Variants in RPTOR observed in about 807,000 individuals in gnomAD.
The protein encoded by RPTOR is regulatory associated protein of MTOR complex 1, also known as regulatory-associated protein of mTOR.
In RPTOR, 21 loss-of-function variants were observed where a neutral mutation model predicts 169.9. The ratio of observed to expected loss-of-function variants is 0.12; its 90% CI spans 0.09 to 0.18. The LOEUF (loss-of-function observed/expected upper bound fraction) is 0.18, where lower values mean the gene tolerates loss of function less well. Among genes scored for constraint, RPTOR ranks in the 10% least tolerant of loss-of-function variants. The pLI, the probability that RPTOR is intolerant of heterozygous loss-of-function variation, is 1.00. For synonymous variants in RPTOR, 732 were observed against 753.2 expected (o/e 0.97, Z 0.46); for missense variants, 1,133 against 1,855.9 (o/e 0.61, Z 7.16).
chr17:80,787,740 G>C (rs907497353), intron 6 of RPTOR, among the ~76,000 whole-genome samples: 1 of 152,084 alleles, frequency 6.6e-6, no homozygotes, highest in Admixed American at 6.5e-5. Flanking sequence ...GTGTAGCCTG[G>C]ATTTGCGTTT....
intron 20 of RPTOR, among the ~76,000 whole-genome samples, chr17:80,902,312 C>T (rs1178501220): frequency 6.6e-6 from 1 of 152,212 alleles, no homozygotes; most frequent in Non-Finnish European, 1.5e-5. Flanking sequence ...TTCCTTCAGC[C>T]TCCTGCCCCC....
At chr17:80,619,908 C>T (rs941481625) in intron 1 of RPTOR, among the ~76,000 whole-genome samples, 11 of 152,200 alleles carry the variant, frequency 7.2e-5, no homozygotes, top group Admixed American at 3.9e-4. Flanking sequence ...CACTGCTTGA[C>T]GGCCCCCAGC....
chr17:80,660,107 C>T (rs1225357363), intron 3 of RPTOR, among the ~76,000 whole-genome samples: 1 of 151,872 alleles, frequency 6.6e-6, no homozygotes, highest in Admixed American at 6.6e-5. Context: ...CCTGTCTCTA[C>T]TAAAAATGCA....
At chr17:80,658,925 C>A (rs2065699855) in intron 3 of RPTOR, among the ~76,000 whole-genome samples, 1 of 152,172 alleles carries the variant, frequency 6.6e-6, no homozygotes. Flanking sequence ...AGTTCTAGCC[C>A]TCCTTACATC....
chr17:80,727,018 CCT>C (rs1339465198), intron 4 of RPTOR, among the ~76,000 whole-genome samples: 2 of 152,152 alleles, frequency 1.3e-5, no homozygotes, highest in Non-Finnish European at 2.9e-5. Context: ...CTCAAGTGCA[CCT>C]CTGACCACGT....
rs1456058273 is a variant in RPTOR at position 80,860,026 on chromosome 17, G to A, written c.1509+2126G>A. On this transcript the variant is annotated intron_variant, in intron 13 of 33. Coordinates refer to ENST00000306801, the MANE Select transcript of RPTOR (RefSeq NM_020761.3). This position sits in a 1 kb window ranked among gnomAD's most constrained non-coding sequence, Gnocchi z 5.8. ...ACAGGAGAGTGCCAAGAACACCTTG[G>A]AGAGGCCATGGCTTGGAGCCGGGGA... Among the ~76,000 whole-genome samples the A allele has an allele frequency of 6.6e-6, 1 of 152,166 alleles. No homozygotes were observed. The highest frequency in any genetic ancestry group is 2.4e-5 in the African/African-American group (1 of 41,456).
intron 3 of RPTOR, among the ~76,000 whole-genome samples, chr17:80,669,527 G>A (rs1296700105): frequency 6.6e-6 from 1 of 152,250 alleles, no homozygotes; most frequent in East Asian, 1.9e-4. Flanking sequence ...TGGGATTACA[G>A]GCGTGCGCCA....
intron 3 of RPTOR, among the ~76,000 whole-genome samples, chr17:80,672,215 C>A (rs982765477): frequency 6.6e-6 from 1 of 152,060 alleles, no homozygotes; most frequent in African/African-American, 2.4e-5. Context: ...CTGAGAGTTA[C>A]AGGGGAGAGG....
intron 13 of RPTOR, among the ~76,000 whole-genome samples, chr17:80,864,627 A>G (rs1451710900): frequency 6.6e-6 from 1 of 152,266 alleles, no homozygotes; most frequent in Non-Finnish European, 1.5e-5. Flanking sequence ...GCAGATCCAC[A>G]CTACAAGAAA....
intron 3 of RPTOR, among the ~76,000 whole-genome samples, chr17:80,697,479 T>C (rs1410498303): frequency 6.6e-6 from 1 of 152,208 alleles, no homozygotes; most frequent in Admixed American, 6.5e-5. Flanking sequence ...GGCATTTGAC[T>C]ACCTCCCATC....
chr17:80,961,006 C>T (rs2069331416), intron 30 of RPTOR: 1 of 227,056 alleles, frequency 4.4e-6, no homozygotes, highest in African/African-American at 2.3e-5. Flanking sequence ...TCCTGACCCT[C>T]CAGTCTGCAC....
At chr17:80,787,081 G>C (rs745779407) in intron 6 of RPTOR, among the ~76,000 whole-genome samples, 1 of 152,186 alleles carries the variant, frequency 6.6e-6, no homozygotes, top group African/African-American at 2.4e-5. Flanking sequence ...CCCCCGCCCT[G>C]TGACCACCGC....
intron 4 of RPTOR, among the ~76,000 whole-genome samples, chr17:80,712,068 A>AT (rs34517257): frequency 1.3e-5 from 2 of 151,760 alleles, no homozygotes; most frequent in African/African-American, 2.4e-5. Flanking sequence ...AATAGACATC[A>AT]TTTTTTTTAA....
chr17:80,836,918 G>C (rs938495884), intron 9 of RPTOR, among the ~76,000 whole-genome samples: 7 of 152,122 alleles, frequency 4.6e-5, no homozygotes, highest in Non-Finnish European at 1.0e-4. Context: ...GTGGAGCTCT[G>C]GGGAGAGGTG....
In RPTOR at chr17:80,605,971, T is replaced by TGTG. The variant is rs1227567375; in HGVS notation, c.163-19710_163-19708dup. ...GTTGGTAGGTGCTAGGTGAATCAAG[T>TGTG]GTGGTGGTGGTGTTTTCTATGCGTG... On this transcript the variant is annotated intron_variant, in intron 1 of 33. Coordinates refer to ENST00000306801, the MANE Select transcript of RPTOR (RefSeq NM_020761.3). Among the ~76,000 whole-genome samples the TGTG allele has an allele frequency of 1.4e-4, 22 of 152,224 alleles. No homozygotes were observed. In the East Asian group the frequency reaches 2.7e-3, roughly 19 times the overall value.
intron 3 of RPTOR, among the ~76,000 whole-genome samples, chr17:80,670,328 TCTCCTTTCCCA>T (rs1228836248): frequency 1.1e-4 from 16 of 152,180 alleles, no homozygotes; most frequent in South Asian, 8.3e-4. Context: ...GCGCCTTCCC[TCTCCTTTCCCA>T]CTCCTTGTTC....
At chr17:80,894,390 C>A (rs1292968779) in intron 20 of RPTOR, among the ~76,000 whole-genome samples, 1 of 152,186 alleles carries the variant, frequency 6.6e-6, no homozygotes, top group African/African-American at 2.4e-5. Context: ...CTGTCATCCC[C>A]GCCCTGCTCA....
chr17:80,740,000 G>GA (rs536333624), intron 5 of RPTOR, among the ~76,000 whole-genome samples: 23 of 151,708 alleles, frequency 1.5e-4, no homozygotes, highest in Middle Eastern at 6.8e-3. Flanking sequence ...CTGATTCTCA[G>GA]AAAAAAAATC....
chr17:80,742,833 C>G (rs1252800290), intron 5 of RPTOR, among the ~76,000 whole-genome samples: 1 of 152,026 alleles, frequency 6.6e-6, no homozygotes, highest in East Asian at 1.9e-4. Context: ...CCCACCTATA[C>G]ATACATAAAC....
Sources: allele counts gnomAD v4.1 joint callset (sites outside exome capture counted in the v4.1 genomes callset), GRCh38; gene constraint gnomAD v4.1.1; non-coding constraint Gnocchi (gnomAD v3.1); transcripts MANE v1.5; gene names NCBI Gene and HGNC (gene_info 2026-07-23, HGNC 2026-07-21).